The following GRK5 variants were observed in gnomAD, a reference collection of about 807,000 sequenced individuals.
GRK5 encodes the protein g protein-coupled receptor kinase GRK5.
A neutral mutation model predicts 78.4 loss-of-function variants in GRK5; 40 were observed. The ratio of observed to expected loss-of-function variants is 0.51; its 90% CI spans 0.40 to 0.66. The LOEUF is 0.66. GRK5 is among the 30% of genes least tolerant of loss of function. GRK5 has a pLI of 0.00. For synonymous variants in GRK5, 289 were observed against 296.8 expected (o/e 0.97, Z 0.27); for missense variants, 598 against 759.9 (o/e 0.79, Z 2.50).
Position 119,334,206 on chromosome 10 carries a change from G to A in GRK5, c.148+7595G>A, listed in dbSNP as rs530901621. Among the ~76,000 whole-genome samples the A allele has an allele frequency of 1.2e-4, 19 of 152,320 alleles. No homozygotes were observed. The South Asian group carries it at 2.9e-3, about 23-fold the overall frequency. ...CTGGAACCCCAGTGCTTTGAGGGGC[G>A]GAGGCAGGAGGATTGCTCAAACCCA... is the stretch of plus-strand genomic sequence containing the variant. On this transcript the variant is annotated intron_variant, in intron 2 of 15. Coordinates refer to ENST00000392870, the MANE Select transcript of GRK5 (RefSeq NM_005308.3).
intron 4 of GRK5, among the ~76,000 whole-genome samples, chr10:119,398,816 G>A (rs1305017372): frequency 6.6e-6 from 1 of 152,238 alleles, no homozygotes; most frequent in African/African-American, 2.4e-5. Context: ...GTTTCCCCTG[G>A]GTGTAGTCTC....
rs937331346 is a variant in GRK5 at position 119,430,517 on chromosome 10, G to A, written c.597+79G>A. On this transcript the variant is annotated intron_variant, in intron 7 of 15. Coordinates refer to ENST00000392870, the MANE Select transcript of GRK5 (RefSeq NM_005308.3). This position sits in a 1 kb window ranked among gnomAD's most constrained non-coding sequence, Gnocchi z 4.5. Reference sequence around the variant, plus strand: ...CCTGTCCCTTCTAAATCAACCTAAAGGGTTGGCCCACGGGTCCCCCGGGGG... The same window carrying A: ...CCTGTCCCTTCTAAATCAACCTAAAAGGTTGGCCCACGGGTCCCCCGGGGG... 7.2e-7 allele frequency: 1 copy of A among 1,389,886 alleles called. No individual in the cohort carries two copies. Among genetic ancestry groups the A allele is most frequent in the Non-Finnish European group, 1.0e-6 (1 of 992,612 alleles). The allele number at this position is 1,389,886 out of a possible 1,614,324, so 86.1% of individuals were successfully genotyped here. A position where few individuals can be genotyped will look rare whatever the true frequency, so the allele number is the denominator to read the frequency against.
intron 1 of GRK5, among the ~76,000 whole-genome samples, chr10:119,278,713 G>A (rs61874485): frequency 0.023 from 3,473 of 152,160 alleles, 72 homozygotes; most frequent in South Asian, 0.061. Context: ...ACAATGAGAC[G>A]TTATTTTCTC....
intron 4 of GRK5, among the ~76,000 whole-genome samples, chr10:119,400,847 G>A (rs1322565525): frequency 1.3e-5 from 2 of 152,320 alleles, no homozygotes; most frequent in East Asian, 1.9e-4. Context: ...GAGGAACAAA[G>A]GGCCTTGCGA....
At chr10:119,396,559 C>G (rs79575160) in intron 3 of GRK5, 136 bp from the exon 4 acceptor site, 15 of 691,664 alleles carry the variant, frequency 2.2e-5, no homozygotes, top group Non-Finnish European at 2.7e-5. Context: ...TCTTCCCCCC[C>G]GGTTTCCTGA....
chr10:119,357,442 G>A (rs1017394670), intron 2 of GRK5, among the ~76,000 whole-genome samples: 1 of 152,228 alleles, frequency 6.6e-6, no homozygotes, highest in African/African-American at 2.4e-5. Flanking sequence ...GAAAGGCTGT[G>A]GCTGATAATG....
intron 2 of GRK5, among the ~76,000 whole-genome samples, chr10:119,363,280 A>C (rs1347645928): frequency 1.3e-5 from 1 of 78,380 alleles, no homozygotes; most frequent in Admixed American, 1.0e-4. Context: ...AAACTGTCTC[A>C]AAAAAAAAAA....
intron 3 of GRK5, among the ~76,000 whole-genome samples, chr10:119,393,641 G>T (rs1047191172): frequency 6.6e-6 from 1 of 152,206 alleles, no homozygotes; most frequent in Non-Finnish European, 1.5e-5. Context: ...CAGGACCCTG[G>T]GTGCTTCTCA....
chr10:119,362,592 G>A (rs1851383914), intron 2 of GRK5, among the ~76,000 whole-genome samples: 1 of 152,236 alleles, frequency 6.6e-6, no homozygotes, highest in South Asian at 2.1e-4. Context: ...ACTAAATAGT[G>A]TCTCACAGGG....
At position 119,452,131 on chromosome 10, in the gene GRK5, G is replaced by T. The variant is rs750164042; in HGVS notation, c.1405-540G>T. On this transcript the variant is annotated intron_variant, in intron 13 of 15. Coordinates refer to ENST00000392870, the MANE Select transcript of GRK5 (RefSeq NM_005308.3). The surrounding 1 kb of genome is among the most constrained non-coding windows in gnomAD (Gnocchi z 4.4). Reference sequence around the variant, plus strand: ...CCTACCATAATAATACCAGCTCCCAGTTACGGGCGCCAGGCTCGGTGGCCA... The same window carrying T: ...CCTACCATAATAATACCAGCTCCCATTTACGGGCGCCAGGCTCGGTGGCCA... Among the ~76,000 whole-genome samples, 2 of 152,222 alleles carry T rather than the reference G, an allele frequency of 1.3e-5. No homozygotes were observed. Among genetic ancestry groups the T allele is most frequent in the Non-Finnish European group, 2.9e-5 (2 of 68,030 alleles).
intron 1 of GRK5, among the ~76,000 whole-genome samples, chr10:119,262,464 G>A (rs964256507): frequency 2.7e-5 from 4 of 147,736 alleles, no homozygotes; most frequent in African/African-American, 1.0e-4. Context: ...TCAGCCCCCC[G>A]AGTAGCTGGG....
At chr10:119,286,204 G>C (rs891810320) in intron 1 of GRK5, among the ~76,000 whole-genome samples, 1 of 151,914 alleles carries the variant, frequency 6.6e-6, no homozygotes, top group Non-Finnish European at 1.5e-5. Flanking sequence ...ATAGTGTAAT[G>C]AACACCCTGT....
At chr10:119,429,641 G>A (rs144518291) in intron 6 of GRK5, among the ~76,000 whole-genome samples, 2 of 151,632 alleles carry the variant, frequency 1.3e-5, no homozygotes, top group South Asian at 2.1e-4. Flanking sequence ...TCATTAAAAC[G>A]AGGAGTTGGA....
At chr10:119,260,439 GGT>G (rs1564867432) in intron 1 of GRK5, among the ~76,000 whole-genome samples, 1 of 143,276 alleles carries the variant, frequency 7.0e-6, no homozygotes, top group Non-Finnish European at 1.5e-5. Flanking sequence ...ATCATTCTTG[GGT>G]GTTTCTCACA....
At chr10:119,243,672 C>T (rs1393713093) in intron 1 of GRK5, among the ~76,000 whole-genome samples, 1 of 151,706 alleles carries the variant, frequency 6.6e-6, no homozygotes, top group Non-Finnish European at 1.5e-5. Context: ...TGCTTAACAA[C>T]CCCAAGGCAA....
At chr10:119,449,719 G>T (rs576032211) in intron 13 of GRK5, among the ~76,000 whole-genome samples, 2 of 152,318 alleles carry the variant, frequency 1.3e-5, no homozygotes, top group African/African-American at 4.8e-5. Flanking sequence ...AACCCAGGAG[G>T]CAGAGGTTGC....
intron 1 of GRK5, among the ~76,000 whole-genome samples, chr10:119,248,262 C>T (rs1331525667): frequency 6.6e-6 from 1 of 152,172 alleles, no homozygotes; most frequent in East Asian, 1.9e-4. Context: ...ATCCTCCTGC[C>T]TCTGCCTCCC....
Position 119,394,345 on chromosome 10 carries a change from GGCAT to G in GRK5, c.262-2348_262-2345del, listed in dbSNP as rs1851973425. Among the ~76,000 whole-genome samples, 3 of 46,226 alleles carry G rather than the reference GGCAT, an allele frequency of 6.5e-5. 1 individual carries two copies. The highest frequency in any genetic ancestry group is 9.6e-5 in the African/African-American group (1 of 10,434). 30.3% of individuals were successfully genotyped at this position (46,226 alleles called of 152,430 possible). A position where few individuals can be genotyped will look rare whatever the true frequency, so the allele number is the denominator to read the frequency against. On this transcript the variant is annotated intron_variant, in intron 3 of 15. Transcript: ENST00000392870. Reference sequence around the variant, plus strand: ...GTGTGTATCTGTGTGTCTGTGTGTGGGCATGTGGGTGTGTGGGTGTGTGTGGGTG... The same window carrying G: ...GTGTGTATCTGTGTGTCTGTGTGTGGGTGGGTGTGTGGGTGTGTGTGGGTG...
intron 2 of GRK5, among the ~76,000 whole-genome samples, chr10:119,344,124 T>G (rs1343514001): frequency 6.6e-6 from 1 of 151,870 alleles, no homozygotes; most frequent in Non-Finnish European, 1.5e-5. Context: ...TATTTTTTAT[T>G]TTTTTGGCCT....
Sources: allele counts gnomAD v4.1 joint callset (sites outside exome capture counted in the v4.1 genomes callset), GRCh38; gene constraint gnomAD v4.1.1; non-coding constraint Gnocchi (gnomAD v3.1); transcripts MANE v1.5; gene names NCBI Gene and HGNC (gene_info 2026-07-23, HGNC 2026-07-21).